Variants in NCALD observed in about 807,000 individuals in gnomAD.
NCALD encodes the protein neurocalcin-delta.
In NCALD, 10 loss-of-function variants were observed where a neutral mutation model predicts 18.6. The ratio of observed to expected loss-of-function variants is 0.54; its 90% CI spans 0.33 to 0.91. The LOEUF is 0.91. Ranked by LOEUF, NCALD falls within the 40% of genes least tolerant of loss-of-function variation. The probability of loss-of-function intolerance (pLI) is 0.03; values close to 1 mark genes in which losing one functional copy is unlikely to be tolerated. For missense variants in NCALD, 184 were observed against 247.6 expected, an observed-to-expected ratio of 0.74 and a Z score of 1.72; for synonymous variants, 88 against 87.4, an observed-to-expected ratio of 1.01 and a Z score of -0.04.
intron 1 of NCALD, among the ~76,000 whole-genome samples, chr8:101,738,342 G>A (rs554891064): frequency 2.0e-5 from 3 of 152,168 alleles, no homozygotes; most frequent in South Asian, 2.1e-4. Flanking sequence ...TCAAGAGTTC[G>A]AGATCAGCCT....
intron 1 of NCALD, among the ~76,000 whole-genome samples, chr8:101,723,251 T>C (rs1300009099): frequency 6.6e-6 from 1 of 152,214 alleles, no homozygotes; most frequent in Non-Finnish European, 1.5e-5. Context: ...GGCTGTCTTT[T>C]AATAATTTTT....
At chr8:101,878,123 C>T (rs1344524157) in intron 4 of NCALD, among the ~76,000 whole-genome samples, 1 of 152,154 alleles carries the variant, frequency 6.6e-6, no homozygotes, top group African/African-American at 2.4e-5. Context: ...TAGTAAATGT[C>T]CTCGTTTTTT....
intron 1 of NCALD, among the ~76,000 whole-genome samples, chr8:101,722,027 A>AGATGG (rs1816381718): frequency 6.6e-6 from 1 of 151,948 alleles, no homozygotes; most frequent in Non-Finnish European, 1.5e-5. Flanking sequence ...TTTTTTGTAG[A>AGATGG]GATGGGGGTC....
rs541998827 is a variant in NCALD at position 101,754,810 on chromosome 8, C to T, written c.-19-35162G>A. ...TCTGTAAAGGCTGTGTTCTTTACCA[C>T]CAAGATACACTCGGCACAGGGCCAG... On this transcript the variant is annotated intron_variant, in intron 1 of 3. Transcript: ENST00000220931. Among the ~76,000 whole-genome samples the T allele has an allele frequency of 1.2e-4, 18 of 152,150 alleles. No homozygotes were observed. In the South Asian group the frequency reaches 3.7e-3, roughly 32 times the overall value.
intron 4 of NCALD, among the ~76,000 whole-genome samples, chr8:101,828,927 AGGTG>A (rs1398921633): frequency 3.8e-5 from 4 of 104,050 alleles, no homozygotes; most frequent in Admixed American, 2.4e-4. Flanking sequence ...ATGGGTGGGT[AGGTG>A]GGTGGGTGGG....
chr8:101,956,529 A>T (rs10097554), intron 2 of NCALD, among the ~76,000 whole-genome samples: 90,264 of 151,922 alleles, frequency 0.59, 28,470 homozygotes, highest in African/African-American at 0.82. Context: ...GGTACACGTA[A>T]GTATCTACAT....
At chr8:101,982,147 G>C (rs1820642951) in intron 2 of NCALD, among the ~76,000 whole-genome samples, 1 of 152,158 alleles carries the variant, frequency 6.6e-6, no homozygotes, top group African/African-American at 2.4e-5. Context: ...GCAGATGCTG[G>C]TGCCATGCTT....
chr8:102,076,542 A>C (rs1488742578), intron 1 of NCALD, among the ~76,000 whole-genome samples: 1 of 152,162 alleles, frequency 6.6e-6, no homozygotes, highest in African/African-American at 2.4e-5. Context: ...AGTCAACTCT[A>C]TTTTCCACAG....
chr8:102,070,098 A>T (rs966505665), intron 1 of NCALD: 1 of 151,710 alleles, frequency 6.6e-6, no homozygotes, highest in African/African-American at 2.4e-5. Flanking sequence ...TGGGTGAGAG[A>T]GCCAGACTCT....
chr8:101,901,338 T>C (rs1817413747), intron 3 of NCALD, among the ~76,000 whole-genome samples: 1 of 152,168 alleles, frequency 6.6e-6, no homozygotes, highest in Non-Finnish European at 1.5e-5. Context: ...TTCATTTGTA[T>C]ATTTTCGCCA....
intron 2 of NCALD, among the ~76,000 whole-genome samples, chr8:101,974,745 G>A (rs13439834): frequency 9.9e-5 from 15 of 152,264 alleles, no homozygotes; most frequent in Non-Finnish European, 2.2e-4. Context: ...ACAACATGCC[G>A]ACAAGGGGTA....
intron 2 of NCALD, among the ~76,000 whole-genome samples, chr8:101,984,957 C>T (rs1820750000): frequency 1.3e-5 from 2 of 152,314 alleles, no homozygotes; most frequent in South Asian, 2.1e-4. Flanking sequence ...CCATGGACAC[C>T]AGCCCTTTAA....
At position 101,988,354 on chromosome 8, in the gene NCALD, A is replaced by C. The variant is rs187399328; in HGVS notation, c.-157+31883T>G. On this transcript the variant is annotated intron_variant, in intron 2 of 6. Transcript: ENST00000311028. ...CATGTATGTGTGTGTATGTATTTAC[A>C]CAGGCTGAAGCAGTAGAGTAGGGCA... Among the ~76,000 whole-genome samples the C allele has an allele frequency of 7.2e-4, 109 of 152,206 alleles. 1 individual carries two copies. Among genetic ancestry groups the C allele is most frequent in the Non-Finnish European group, 2.6e-4 (18 of 68,036 alleles).
At chr8:101,903,975 T>A (rs1241830230) in intron 3 of NCALD, among the ~76,000 whole-genome samples, 1 of 152,182 alleles carries the variant, frequency 6.6e-6, no homozygotes, top group Non-Finnish European at 1.5e-5. Flanking sequence ...ATCCCACACA[T>A]TCCCCAAAAT....
intron 2 of NCALD, among the ~76,000 whole-genome samples, chr8:101,698,596 G>A (rs1815111815): frequency 6.6e-6 from 1 of 152,090 alleles, no homozygotes; most frequent in Non-Finnish European, 1.5e-5. Flanking sequence ...ATAGACAAAT[G>A]GAAGAGAACA....
chr8:101,884,787 A>C (rs974501635), intron 4 of NCALD, among the ~76,000 whole-genome samples: 1 of 152,138 alleles, frequency 6.6e-6, no homozygotes, highest in Non-Finnish European at 1.5e-5. Context: ...CAGGGAATCA[A>C]TTACTCGACT....
intron 1 of NCALD, among the ~76,000 whole-genome samples, chr8:101,720,485 A>C (rs1351350516): frequency 6.6e-6 from 1 of 152,206 alleles, no homozygotes; most frequent in African/African-American, 2.4e-5. Flanking sequence ...AATTGCTAGC[A>C]TGTTGATATG....
At chr8:102,041,930 G>C (rs1004793813) in intron 1 of NCALD, among the ~76,000 whole-genome samples, 1 of 151,932 alleles carries the variant, frequency 6.6e-6, no homozygotes, top group African/African-American at 2.4e-5. Flanking sequence ...TTATAGAGTG[G>C]GTTTTAAACC....
intron 1 of NCALD, among the ~76,000 whole-genome samples, chr8:102,055,585 C>G (rs760059594): frequency 2.0e-5 from 3 of 152,190 alleles, no homozygotes; most frequent in Non-Finnish European, 4.4e-5. Context: ...CCAAATGAAC[C>G]CTTTTGATGG....
Sources: allele counts gnomAD v4.1 joint callset (sites outside exome capture counted in the v4.1 genomes callset), GRCh38; gene constraint gnomAD v4.1.1; transcripts MANE v1.5; gene names NCBI Gene and HGNC (gene_info 2026-07-23, HGNC 2026-07-21).